Variants in BACH2 observed in about 807,000 individuals in gnomAD.
The protein encoded by BACH2 is BACH transcriptional regulator 2.
Under a neutral mutation model 61.8 loss-of-function variants are expected in BACH2, and 5 were observed. The ratio of observed to expected loss-of-function variants is 0.08; its 90% confidence interval spans 0.04 to 0.17. The LOEUF (loss-of-function observed/expected upper bound fraction) is 0.17, where lower values mean the gene tolerates loss of function less well. Ranked by LOEUF, BACH2 falls within the 10% of genes least tolerant of loss-of-function variation. The pLI is 1.00. For synonymous variants in BACH2, 446 were observed against 440.1 expected (o/e 1.01, Z -0.17); for missense variants, 824 against 1,091.1 (o/e 0.76, Z 3.45).
chr6:90,237,998 T>C (rs1770315372), intron 3 of BACH2, among the ~76,000 whole-genome samples: 1 of 152,236 alleles, frequency 6.6e-6, no homozygotes, highest in Non-Finnish European at 1.5e-5. Flanking sequence ...CATATATAAA[T>C]ACCAGAAAAT....
rs1455070616 is a variant in BACH2, at chr6:89,932,786, G to A, written c.2148C>T (p.Asp716=). ...CCTGGATCTGCTCGGGGCTCTGGAT[G>A]TCTCGGCAAACTTCCTGGGAAAGGC... ...FSCLSQEVCR[D]IQSPEQIQAL... Residue 716 remains aspartate (D), a synonymous_variant, in exon 9 of 9, where the codon GAC becomes GAT. Transcript: ENST00000257749. The A allele has an allele frequency of 1.9e-6, 3 of 1,613,524 alleles. No individual in the cohort carries two copies. Among genetic ancestry groups the A allele is most frequent in the South Asian group, 2.2e-5 (2 of 91,066 alleles).
At chr6:90,094,861 T>TACACACACACACAC (rs111697212) in intron 4 of BACH2, among the ~76,000 whole-genome samples, 87 of 150,782 alleles carry the variant, frequency 5.8e-4, no homozygotes, top group African/African-American at 1.9e-3. Flanking sequence ...TCCACAACTA[T>TACACACACACACAC]ACACACACAC....
chr6:90,106,558 C>T (rs949219631), intron 4 of BACH2, among the ~76,000 whole-genome samples: 9 of 152,290 alleles, frequency 5.9e-5, no homozygotes, highest in Middle Eastern at 3.4e-3. Context: ...ATTAGGTACA[C>T]TCTATGATGT....
chr6:90,064,807 A>C (rs1186545963), intron 5 of BACH2, among the ~76,000 whole-genome samples: 1 of 152,214 alleles, frequency 6.6e-6, no homozygotes, highest in Non-Finnish European at 1.5e-5. Flanking sequence ...GAGGATGGGA[A>C]CTGCATGCTT....
At chr6:90,208,803 C>G (rs1188272756) in intron 3 of BACH2, among the ~76,000 whole-genome samples, 1 of 152,074 alleles carries the variant, frequency 6.6e-6, no homozygotes, top group Non-Finnish European at 1.5e-5. Flanking sequence ...AGAACCAACC[C>G]AAATGCCCAT....
intron 3 of BACH2, among the ~76,000 whole-genome samples, chr6:90,217,378 A>C (rs1472096484): frequency 6.6e-6 from 1 of 152,182 alleles, no homozygotes; most frequent in African/African-American, 2.4e-5. Context: ...AATACCAACA[A>C]AATATGAGGA....
chr6:89,949,662 G>T (rs1445408753), intron 7 of BACH2, among the ~76,000 whole-genome samples: 2 of 152,184 alleles, frequency 1.3e-5, no homozygotes, highest in Non-Finnish European at 1.5e-5. Context: ...CTTGGGAAAT[G>T]ATCCATTATA....
At position 90,029,119 on chromosome 6, in the gene BACH2, C is replaced by T. The variant is rs549656160; in HGVS notation, c.-12-20263G>A. On this transcript the variant is annotated intron_variant, in intron 5 of 8. Transcript: ENST00000257749. ...CTGCCCACCTAACACCCAGACTCTCCCGGCCTGCTTCCTATCTCTGGAAAT... is the reference window on the plus strand; with the variant it reads ...CTGCCCACCTAACACCCAGACTCTCTCGGCCTGCTTCCTATCTCTGGAAAT... Among the ~76,000 whole-genome samples the T allele has an allele frequency of 3.9e-5, 6 of 152,270 alleles. No individual in the cohort carries two copies. In the South Asian group the frequency reaches 1.2e-3, roughly 32 times the overall value.
At chr6:90,060,117 A>T (rs6910100) in intron 5 of BACH2, among the ~76,000 whole-genome samples, 6,148 of 151,812 alleles carry the variant, frequency 0.04, 387 homozygotes, top group African/African-American at 0.14. Flanking sequence ...CTAAAACTTA[A>T]AGTATAATAA....
chr6:89,971,187 G>A (rs905106642), intron 6 of BACH2, among the ~76,000 whole-genome samples: 3 of 152,156 alleles, frequency 2.0e-5, no homozygotes, highest in African/African-American at 2.4e-5. Flanking sequence ...GAACAACTGC[G>A]TCAGACGACA....
At chr6:90,246,274 A>G (rs1322948301) in intron 3 of BACH2, among the ~76,000 whole-genome samples, 2 of 152,236 alleles carry the variant, frequency 1.3e-5, no homozygotes, top group Non-Finnish European at 2.9e-5. Context: ...CTGTACTTTT[A>G]TAAGTATAAT....
intron 6 of BACH2, among the ~76,000 whole-genome samples, chr6:89,974,220 G>A (rs186169511): frequency 6.6e-6 from 1 of 152,246 alleles, no homozygotes; most frequent in African/African-American, 2.4e-5. Context: ...TTAAGTCCTG[G>A]CTCCTCTGCT....
At chr6:90,265,741 G>A (rs1256498832) in intron 2 of BACH2, among the ~76,000 whole-genome samples, 2 of 152,172 alleles carry the variant, frequency 1.3e-5, no homozygotes, top group African/African-American at 4.8e-5. Flanking sequence ...CAGGCATGGT[G>A]CTAAGAGACT....
intron 6 of BACH2, among the ~76,000 whole-genome samples, chr6:89,987,073 G>T (rs1014372942): frequency 6.6e-6 from 1 of 152,198 alleles, no homozygotes; most frequent in Non-Finnish European, 1.5e-5. Context: ...TAGAAAAGAT[G>T]TGAGTGGCAA....
intron 1 of BACH2, among the ~76,000 whole-genome samples, chr6:90,290,692 TA>T (rs1772152000): frequency 6.6e-6 from 1 of 152,220 alleles, no homozygotes; most frequent in South Asian, 2.1e-4. Flanking sequence ...CTCCCAACTT[TA>T]AAATCCGAAG....
intron 6 of BACH2, among the ~76,000 whole-genome samples, chr6:89,954,239 C>G (rs573531224): frequency 6.6e-6 from 1 of 152,116 alleles, no homozygotes; most frequent in African/African-American, 2.4e-5. Context: ...AAGGTGCTCA[C>G]TATATGGGAA....
chr6:90,128,353 C>A (rs1046727158), intron 4 of BACH2, among the ~76,000 whole-genome samples: 3 of 152,070 alleles, frequency 2.0e-5, no homozygotes, highest in African/African-American at 7.2e-5. Flanking sequence ...GAGGCCGAGG[C>A]GGGTGGATCA....
intron 6 of BACH2, among the ~76,000 whole-genome samples, chr6:89,977,874 G>C (rs1463918753): frequency 1.3e-5 from 2 of 152,204 alleles, no homozygotes; most frequent in Non-Finnish European, 2.9e-5. Context: ...TACGAAGACT[G>C]TTACTAATAA....
chr6:89,984,218 C>A (rs1776113523), intron 6 of BACH2, among the ~76,000 whole-genome samples: 1 of 152,016 alleles, frequency 6.6e-6, no homozygotes, highest in Non-Finnish European at 1.5e-5. Context: ...AGGAGAATAT[C>A]TACAATTACA....
Sources: gnomAD v4.1 joint callset for allele counts (sites outside exome capture counted in the v4.1 genomes callset) on GRCh38, gnomAD v4.1.1 for gene constraint, MANE v1.5 for transcripts, NCBI Gene and HGNC (gene_info 2026-07-23, HGNC 2026-07-21) for gene names.